The following GARNL3 variants were observed in gnomAD, a reference collection of about 807,000 sequenced individuals.
The protein encoded by GARNL3 is GTPase-activating Rap/Ran-GAP domain-like protein 3.
A neutral mutation model predicts 125.0 loss-of-function variants in GARNL3; 63 were observed. The ratio of observed to expected loss-of-function variants is 0.50; its 90% confidence interval spans 0.41 to 0.62. The LOEUF (loss-of-function observed/expected upper bound fraction) is 0.62. GARNL3 is among the 20% of genes least tolerant of loss of function. The probability of loss-of-function intolerance (pLI) is 0.00; values close to 1 mark genes in which losing one functional copy is unlikely to be tolerated. For missense variants in GARNL3, 994 were observed against 1,244.0 expected (o/e 0.80, Z 3.02); for synonymous variants, 439 against 457.5 (o/e 0.96, Z 0.52).
chr9:127,380,149 C>T (rs762534615), intron 22 of GARNL3, among the ~76,000 whole-genome samples: 14 of 152,004 alleles, frequency 9.2e-5, no homozygotes, highest in South Asian at 2.1e-4. Flanking sequence ...GCCAAAATCG[C>T]GCCACCGCAC....
At chr9:127,264,026 T>G (rs1275663763), upstream of GARNL3, 1 of 1,377,282 alleles carries the variant, frequency 7.3e-7, no homozygotes, top group Non-Finnish European at 9.9e-7. Context: ...TCTTTGCATG[T>G]TAGATCCCAA....
rs1010146569 is a variant in GARNL3 at position 127,280,016 on chromosome 9, C to G, written c.145-11152C>G. The stretch of plus-strand genomic sequence containing the variant: ...CTCCTGTGCTTGGCTTTTTGCTGCT[C>G]TGTACCAGCGGCTCTAGAATTTATA... On this transcript the variant is annotated intron_variant, in intron 1 of 27. Coordinates refer to ENST00000373387, the MANE Select transcript of GARNL3 (RefSeq NM_032293.5). The surrounding 1 kb of genome is among the most constrained non-coding windows in gnomAD (Gnocchi z 4.5). Among the ~76,000 whole-genome samples the G allele has an allele frequency of 6.6e-6, 1 of 152,140 alleles. No homozygotes were observed. Among genetic ancestry groups the G allele is most frequent in the Non-Finnish European group, 1.5e-5 (1 of 68,032 alleles).
chr9:127,389,764 T>TA (rs1469206380), intron 26 of GARNL3, among the ~76,000 whole-genome samples: 1 of 150,888 alleles, frequency 6.6e-6, no homozygotes, highest in Non-Finnish European at 1.5e-5. Context: ...CTATAAAAAA[T>TA]AAAAAAATTA....
chr9:127,333,255 C>T, intron 9 of GARNL3, 134 bp downstream of exon 9: 1 of 670,990 alleles, frequency 1.5e-6, no homozygotes. Flanking sequence ...GAGCTCCACA[C>T]CCTGTTCAAC....
At chr9:127,272,318 A>T (rs1413401377) in intron 1 of GARNL3, among the ~76,000 whole-genome samples, 1 of 149,894 alleles carries the variant, frequency 6.7e-6, no homozygotes, top group African/African-American at 2.5e-5. Context: ...GGGAGAAATT[A>T]TATTCTATCT....
intron 2 of GARNL3, among the ~76,000 whole-genome samples, chr9:127,310,127 G>C (rs2065055443): frequency 6.6e-6 from 1 of 152,128 alleles, no homozygotes; most frequent in Non-Finnish European, 1.5e-5. Flanking sequence ...TGATCCTTCA[G>C]AGCATACATC....
intron 1 of GARNL3, among the ~76,000 whole-genome samples, chr9:127,231,323 C>T (rs564154351): frequency 2.7e-5 from 4 of 150,540 alleles, no homozygotes; most frequent in South Asian, 4.2e-4. Flanking sequence ...CCGCCCGCCT[C>T]GGCCTCCCAA....
At position 127,264,828 on chromosome 9, in the gene GARNL3, G is replaced by A; in HGVS notation, c.-50G>A. On this transcript the variant is annotated 5_prime_UTR_variant, in exon 1 of 28. The change creates a new upstream start codon in the 5' untranslated region. Coordinates refer to ENST00000373387, the MANE Select transcript of GARNL3 (RefSeq NM_032293.5). ...TCTGTTGCAAGGAGGCTCCCCTGCAGTGAGGAGCCGGGGCACTGCAAGTCT... is the reference window on the plus strand; with the variant it reads ...TCTGTTGCAAGGAGGCTCCCCTGCAATGAGGAGCCGGGGCACTGCAAGTCT... The A allele has an allele frequency of 6.8e-7, 1 of 1,463,708 alleles. No homozygotes were observed. The highest frequency in any genetic ancestry group is 1.5e-5 in the South Asian group (1 of 66,506). The allele number at this position is 1,463,708 out of a possible 1,614,324, so 90.7% of individuals were successfully genotyped here.
chr9:127,333,714 G>GT, intron 9 of GARNL3, among the ~76,000 whole-genome samples: 1 of 152,286 alleles, frequency 6.6e-6, no homozygotes, highest in Admixed American at 6.5e-5. Context: ...AGAACATGTT[G>GT]TGTTCTAGAA....
chr9:127,392,442 C>G lies in GARNL3; in HGVS notation c.2871-641C>G, dbSNP rs1395218304. Among the ~76,000 whole-genome samples, 2 of 152,238 alleles carry G rather than the reference C, an allele frequency of 1.3e-5. No individual in the cohort carries two copies. The highest frequency in any genetic ancestry group is 2.9e-5 in the Non-Finnish European group (2 of 68,046). On this transcript the variant is annotated intron_variant, in intron 27 of 27. Transcript: ENST00000373387. This position sits in a 1 kb window ranked among gnomAD's most constrained non-coding sequence, Gnocchi z 5.2. Reference sequence around the variant, plus strand: ...AGGGGAACAGCCCTTCTGACAGCAACTACCTCAGGGCAAGGGCCCCGAAGC... The same window carrying G: ...AGGGGAACAGCCCTTCTGACAGCAAGTACCTCAGGGCAAGGGCCCCGAAGC...
At chr9:127,345,611 C>G (rs1452549929) in intron 16 of GARNL3, 134 bp downstream of exon 16, 1 of 549,692 alleles carries the variant, frequency 1.8e-6, no homozygotes. Flanking sequence ...AGGGAAAGCC[C>G]TAGATAAAAC....
At chr9:127,370,803 T>C (rs908176909) in intron 22 of GARNL3, among the ~76,000 whole-genome samples, 1 of 152,178 alleles carries the variant, frequency 6.6e-6, no homozygotes, top group African/African-American at 2.4e-5. Context: ...GAGGGCCCTG[T>C]CCTCGCCTTT....
At chr9:127,300,884 A>G in intron 2 of GARNL3, 1 of 271,874 alleles carries the variant, frequency 3.7e-6, no homozygotes, top group Non-Finnish European at 7.1e-6. Flanking sequence ...AGACTCCACA[A>G]TAAAGGACTC....
intron 1 of GARNL3, among the ~76,000 whole-genome samples, chr9:127,232,193 C>T (rs148618627): frequency 1.8e-3 from 272 of 152,326 alleles, no homozygotes; most frequent in African/African-American, 5.6e-3. Context: ...TACCAATGTT[C>T]GTAGGCTGAT....
At chr9:127,341,022 T>A (rs1829832999) in intron 13 of GARNL3, among the ~76,000 whole-genome samples, 1 of 152,136 alleles carries the variant, frequency 6.6e-6, no homozygotes, top group Admixed American at 6.5e-5. Flanking sequence ...CACAACTTTG[T>A]CCTGGAGAAC....
Position 127,324,484 on chromosome 9 carries a change from A to G in GARNL3, c.568-585A>G, listed in dbSNP as rs1244867204. On this transcript the variant is annotated intron_variant, in intron 6 of 27. Coordinates refer to ENST00000373387, the MANE Select transcript of GARNL3 (RefSeq NM_032293.5). Reference sequence around the variant, plus strand: ...CCCTCGTCGCCTCTGCACTGTCCCCATGGCTCACCTGGGCCATTCCTTCCC... The same window carrying G: ...CCCTCGTCGCCTCTGCACTGTCCCCGTGGCTCACCTGGGCCATTCCTTCCC... 3.3e-5 allele frequency among the ~76,000 whole-genome samples: 5 copies of G among 152,048 alleles called. No individual in the cohort carries two copies. The East Asian group carries it at 9.7e-4, about 29-fold the overall frequency.
At chr9:127,309,824 C>T (rs1406750319) in intron 2 of GARNL3, among the ~76,000 whole-genome samples, 2 of 152,152 alleles carry the variant, frequency 1.3e-5, no homozygotes, top group Admixed American at 6.5e-5. Context: ...ACATCTTTAG[C>T]ATGATAAAGA....
chr9:127,240,770 T>C (rs2063189837), intron 1 of GARNL3, among the ~76,000 whole-genome samples: 1 of 151,424 alleles, frequency 6.6e-6, no homozygotes, highest in Non-Finnish European at 1.5e-5. Context: ...TAGCCAGATG[T>C]GATGGTGCAC....
At chr9:127,355,502 C>T (rs1159530617) in intron 20 of GARNL3, 30 bp downstream of exon 20, 1 of 1,603,286 alleles carries the variant, frequency 6.2e-7, no homozygotes, top group Middle Eastern at 1.7e-4. Context: ...CATTTATCTC[C>T]CAACCAAGTT....
Sources: gnomAD v4.1 joint callset for allele counts (sites outside exome capture counted in the v4.1 genomes callset) on GRCh38, gnomAD v4.1.1 for gene constraint, Gnocchi (gnomAD v3.1) non-coding constraint, MANE v1.5 for transcripts, NCBI Gene and HGNC (gene_info 2026-07-23, HGNC 2026-07-21) for gene names.